MAP3K20: variants seen among roughly 807,000 people sequenced by gnomAD.
The protein encoded by MAP3K20 is mitogen-activated protein kinase kinase kinase 20.
MAP3K20 carries 40 observed loss-of-function variants against 85.7 expected under a neutral mutation model. That is an observed-to-expected ratio of 0.47 (90% CI 0.36 to 0.61). The LOEUF (loss-of-function observed/expected upper bound fraction) is 0.61. Among genes scored for constraint, MAP3K20 ranks in the 20% least tolerant of loss-of-function variants. The probability of loss-of-function intolerance (pLI) is 0.00; values close to 1 mark genes in which losing one functional copy is unlikely to be tolerated. For synonymous variants in MAP3K20, 325 were observed against 327.7 expected, an observed-to-expected ratio of 0.99 and a Z score of 0.09; for missense variants, 817 against 961.7, an observed-to-expected ratio of 0.85 and a Z score of 1.99.
intron 16 of MAP3K20, among the ~76,000 whole-genome samples, chr2:173,243,566 G>A (rs1406045086): frequency 6.6e-6 from 1 of 152,208 alleles, no homozygotes; most frequent in Non-Finnish European, 1.5e-5. Flanking sequence ...TATGTGCTAA[G>A]CCAAGGAGTT....
Position 173,189,639 on chromosome 2 carries a change from G to A in MAP3K20, c.416-1256G>A, listed in dbSNP as rs1031811816. 2.6e-5 allele frequency among the ~76,000 whole-genome samples: 4 copies of A among 152,098 alleles called. 1 individual carries two copies. The highest frequency in any genetic ancestry group is 4.1e-4 in the South Asian group (2 of 4,822). On this transcript the variant is annotated intron_variant, in intron 5 of 19. Transcript: ENST00000375213. ...ATCTTTTCATTTTCTCCCTAACCCC[G>A]AAAAATCATCCCTGCATTTCTTTTA...
At chr2:173,075,551 CCT>C (rs1318368893), upstream of MAP3K20, 1 of 167,938 alleles carries the variant, frequency 6.0e-6, no homozygotes, top group Non-Finnish European at 1.2e-5. Flanking sequence ...GTCCCCAGCG[CCT>C]GTTTGTTGAA....
chr2:173,237,582 C>A (rs1684683463), intron 14 of MAP3K20, among the ~76,000 whole-genome samples: 1 of 152,190 alleles, frequency 6.6e-6, no homozygotes, highest in Non-Finnish European at 1.5e-5. Context: ...ACTGTGCCTG[C>A]TGAGTATCCA....
At chr2:173,209,951 GGA>G in intron 10 of MAP3K20, 116 bp downstream of exon 10, 1 of 941,706 alleles carries the variant, frequency 1.1e-6, no homozygotes, top group Non-Finnish European at 1.7e-6. Flanking sequence ...CATAGCTTAG[GGA>G]AAAAGAAAAG....
intron 16 of MAP3K20, among the ~76,000 whole-genome samples, chr2:173,244,917 A>G (rs1684879552): frequency 6.6e-6 from 1 of 152,208 alleles, no homozygotes; most frequent in Non-Finnish European, 1.5e-5. Context: ...CCATGACCGG[A>G]ATAAGCTTTC....
chr2:173,121,088 C>T (rs1043002365), intron 2 of MAP3K20, among the ~76,000 whole-genome samples: 1 of 152,156 alleles, frequency 6.6e-6, no homozygotes, highest in Non-Finnish European at 1.5e-5. Context: ...TGATTCAAGG[C>T]ATATTCTTAC....
chr2:173,255,683 T>G (rs996116425), intron 16 of MAP3K20, among the ~76,000 whole-genome samples: 9 of 152,188 alleles, frequency 5.9e-5, no homozygotes, highest in Admixed American at 5.2e-4. Context: ...AGCTCCCTGG[T>G]TAGGAGATGA....
chr2:173,221,451 A>AT, intron 11 of MAP3K20: 4 of 1,613,750 alleles, frequency 2.5e-6, no homozygotes. Flanking sequence ...GGGTTCAGTG[A>AT]TTTTGACTTG....
At chr2:173,258,862 TCAAA>T (rs1332540742) in intron 17 of MAP3K20, 47 bp downstream of exon 17, 3 of 1,225,708 alleles carry the variant, frequency 2.4e-6, no homozygotes, top group African/African-American at 3.0e-5. Flanking sequence ...TTCACAGATA[TCAAA>T]CAAAGACATT....
chr2:173,125,024 A>G (rs4972530), intron 2 of MAP3K20, among the ~76,000 whole-genome samples: 61,997 of 152,000 alleles, frequency 0.41, 13,886 homozygotes, highest in African/African-American at 0.58. Context: ...AATTTTACCA[A>G]CTGACAAAAG....
At chr2:173,265,290 C>T (rs1470951594) in intron 19 of MAP3K20, among the ~76,000 whole-genome samples, 1 of 152,198 alleles carries the variant, frequency 6.6e-6, no homozygotes, top group Non-Finnish European at 1.5e-5. Context: ...GTTGTTCAGG[C>T]TCGGGGGAAA....
At chr2:173,153,782 A>G (rs982845729) in intron 2 of MAP3K20, among the ~76,000 whole-genome samples, 5 of 152,244 alleles carry the variant, frequency 3.3e-5, no homozygotes, top group Non-Finnish European at 1.5e-5. Context: ...CAGAACCTAC[A>G]TGTATCCTCC....
intron 7 of MAP3K20, among the ~76,000 whole-genome samples, chr2:173,191,791 T>C (rs931196415): frequency 2.6e-5 from 4 of 152,098 alleles, no homozygotes; most frequent in African/African-American, 7.2e-5. Flanking sequence ...ACATAGAGAA[T>C]AGACTAATGA....
intron 8 of MAP3K20, among the ~76,000 whole-genome samples, chr2:173,201,153 A>T (rs555391973): frequency 3.7e-4 from 56 of 152,324 alleles, no homozygotes; most frequent in African/African-American, 1.3e-3. Flanking sequence ...ATTATATCTG[A>T]AGATCTTTGC....
intron 2 of MAP3K20, among the ~76,000 whole-genome samples, chr2:173,154,015 A>G (rs1574062018): frequency 2.0e-5 from 3 of 152,086 alleles, no homozygotes; most frequent in African/African-American, 7.3e-5. Context: ...AGTCACTCCC[A>G]CCGAAATTTG....
At chr2:173,262,538 TGTG>T (rs1056812403) in intron 18 of MAP3K20, among the ~76,000 whole-genome samples, 7 of 151,486 alleles carry the variant, frequency 4.6e-5, no homozygotes, top group African/African-American at 1.5e-4. Flanking sequence ...ATGCAGAAGT[TGTG>T]GTGAGCTGAG....
Position 173,217,178 on chromosome 2 carries a change from G to A in MAP3K20, c.915G>A (p.Glu305=), listed in dbSNP as rs1684099281. ...KKLERDLSFK[E]QELKERERRL... is the part of the protein sequence containing the mutation. ...TAGAGCGTGATCTCAGCTTTAAGGA[G>A]CAGGAGCTTAAAGAACGAGAAAGAC... Residue 305 remains glutamate (E), a synonymous_variant, in exon 11 of 20, where the codon GAG becomes GAA. Transcript: ENST00000375213. The A allele has an allele frequency of 6.2e-7, 1 of 1,608,224 alleles. No homozygotes were observed. The highest frequency in any genetic ancestry group is 2.2e-5 in the East Asian group (1 of 44,564).
chr2:173,206,441 G>A (rs1320759313), intron 9 of MAP3K20, among the ~76,000 whole-genome samples: 1 of 152,144 alleles, frequency 6.6e-6, no homozygotes, highest in African/African-American at 2.4e-5. Flanking sequence ...ACAGTGACAT[G>A]TCCCCTGTAT....
rs921138666 is a variant in MAP3K20, at chr2:173,267,407, T to G, written c.*657T>G. 1 of 152,174 alleles carries G rather than the reference T, an allele frequency of 6.6e-6. No individual in the cohort carries two copies. The highest frequency in any genetic ancestry group is 1.5e-5 in the Non-Finnish European group (1 of 68,026). The allele number at this position is 152,174 out of a possible 1,614,324, so 9.4% of individuals were successfully genotyped here. On this transcript the variant is annotated 3_prime_UTR_variant, in exon 20 of 20. Transcript: ENST00000375213. Reference sequence around the variant, plus strand: ...ACTCATCTCATCCTTGGCTCAGCCCTGCTGGTTAGTATTTAGTATTTATTT... The same window carrying G: ...ACTCATCTCATCCTTGGCTCAGCCCGGCTGGTTAGTATTTAGTATTTATTT...
Sources: gnomAD v4.1 joint callset for allele counts (sites outside exome capture counted in the v4.1 genomes callset) on GRCh38, gnomAD v4.1.1 for gene constraint, MANE v1.5 for transcripts, NCBI Gene and HGNC (gene_info 2026-07-23, HGNC 2026-07-21) for gene names.